Variants in TARBP2 observed in about 807,000 individuals in gnomAD.
TARBP2 encodes the protein TARBP2 subunit of RISC loading complex, also known as RISC-loading complex subunit TARBP2.
TARBP2 carries 23 observed loss-of-function variants against 40.4 expected under a neutral mutation model. The ratio of observed to expected loss-of-function variants is 0.57; its 90% CI spans 0.41 to 0.81. TARBP2 has a LOEUF of 0.81. Ranked by LOEUF, TARBP2 falls within the 30% of genes least tolerant of loss-of-function variation. The pLI, the probability that TARBP2 is intolerant of heterozygous loss-of-function variation, is 0.00. For missense variants in TARBP2, 358 were observed against 473.7 expected (o/e 0.76, Z 2.27); for synonymous variants, 183 against 190.5 (o/e 0.96, Z 0.32).
chr12:53,505,512 C>A lies in TARBP2; in HGVS notation c.742-137C>A, dbSNP rs142413361. On this transcript the variant is annotated intron_variant, in intron 7 of 8. Transcript: ENST00000266987. This position sits in a 1 kb window ranked among gnomAD's most constrained non-coding sequence, Gnocchi z 4.5. ...CCCAGGGCCTGGTAGTTAGAAGGGG[C>A]CACCCAGGGATTGACTGGGGGGAGG... 1,459 of 1,086,838 alleles carry A rather than the reference C, an allele frequency of 1.3e-3. 8 individuals are homozygous for A. In the African/African-American group the frequency reaches 0.02, roughly 15 times the overall value. 67.3% of individuals were successfully genotyped at this position (1,086,838 alleles called of 1,614,324 possible). A position where few individuals can be genotyped will look rare whatever the true frequency, so the allele number is the denominator to read the frequency against.
At chr12:53,501,611 A>G (rs1943712323) in intron 1 of TARBP2, 150 bp downstream of exon 1, 3 of 1,469,686 alleles carry the variant, frequency 2.0e-6, no homozygotes, top group Non-Finnish European at 2.7e-6. Context: ...GCACCGGGGC[A>G]GTGGCTGCTG....
At chr12:53,504,318 A>G in intron 4 of TARBP2, 79 bp from the exon 5 acceptor site, 1 of 1,296,596 alleles carries the variant, frequency 7.7e-7, no homozygotes, top group Non-Finnish European at 1.1e-6. Flanking sequence ...AATCTAAAGT[A>G]GTGGTTAGGT....
Position 53,504,403 on chromosome 12 carries a change from C to T in TARBP2, c.429C>T (p.Pro143=), listed in dbSNP as rs374358069. 11 of 1,561,214 alleles carry T rather than the reference C, an allele frequency of 7.0e-6. No homozygotes were observed. Among genetic ancestry groups the T allele is most frequent in the Non-Finnish European group, 9.5e-6 (11 of 1,159,306 alleles). The change falls in exon 5 of 9, where the codon CCC becomes CCT. Residue 143 remains proline, a synonymous_variant. Transcript: ENST00000266987. ...CCTGTGCCTTTTCCTTCAGGAGCCC[C>T]CCCATGGAACTGCAGCCCCCTGTCT... ...PVPSVVLTRS[P]PMELQPPVSP...
Position 53,504,558 on chromosome 12 carries a change from C to T in TARBP2, c.495+89C>T, listed in dbSNP as rs1400161784. The T allele has an allele frequency of 1.8e-5, 28 of 1,599,586 alleles. No individual in the cohort carries two copies. The African/African-American group carries it at 2.1e-4, about 12-fold the overall frequency. On this transcript the variant is annotated intron_variant, in intron 5 of 8. Coordinates refer to ENST00000266987, the MANE Select transcript of TARBP2 (RefSeq NM_134323.2). The stretch of plus-strand genomic sequence containing the variant: ...GGCTATGTGTGTTTGGGGGTGGGGG[C>T]GGTTCCTTGTACTGAGGCCCTTTCC...
chr12:53,501,192 G>A (rs900932767), upstream of TARBP2: 6 of 584,108 alleles, frequency 1.0e-5, no homozygotes, highest in African/African-American at 1.1e-4. Context: ...AGCCTGCCCG[G>A]GCGAGCCACG....
chr12:53,505,009 A>G lies in TARBP2; in HGVS notation c.614-126A>G. 1 of 1,496,582 alleles carries G rather than the reference A, an allele frequency of 6.7e-7. No homozygotes were observed. Among genetic ancestry groups the G allele is most frequent in the Non-Finnish European group, 9.0e-7 (1 of 1,107,140 alleles). The allele number at this position is 1,496,582 out of a possible 1,614,324, so 92.7% of individuals were successfully genotyped here. The stretch of plus-strand genomic sequence containing the variant: ...TCTGGCTGACCAGGTTCTCACGTGC[A>G]TGGGCAGGTCTTGAGTTCCCCTTTC... On this transcript the variant is annotated intron_variant, in intron 6 of 8. Coordinates refer to ENST00000266987, the MANE Select transcript of TARBP2 (RefSeq NM_134323.2). This position sits in a 1 kb window ranked among gnomAD's most constrained non-coding sequence, Gnocchi z 4.5.
chr12:53,502,021 G>A lies in TARBP2; in HGVS notation c.60G>A (p.Glu20=). Residue 20 remains glutamate (E), a synonymous_variant, in exon 2 of 9, where the codon GAG becomes GAA. Coordinates refer to ENST00000266987, the MANE Select transcript of TARBP2 (RefSeq NM_134323.2). ...TTTGCGLPSI[E]QMLAANPGKT... ...TCTGTGCCCCTTCCCCCAGTATAGA[G>A]CAAATGCTGGCCGCCAACCCAGGCA... The A allele has an allele frequency of 6.2e-7, 1 of 1,614,172 alleles. No homozygotes were observed.
chr12:53,504,872 C>T, intron 6 of TARBP2, 57 bp downstream of exon 6: 1 of 1,592,628 alleles, frequency 6.3e-7, no homozygotes, highest in Admixed American at 1.7e-5. Context: ...CTGGCCCCAG[C>T]CACAAAGCAG....
At chr12:53,501,490 G>C in intron 1 of TARBP2, 29 bp downstream of exon 1, 2 of 1,556,568 alleles carry the variant, frequency 1.3e-6, no homozygotes, top group South Asian at 2.4e-5. Flanking sequence ...ATTCCTTCAG[G>C]GCGAAAAGCG....
At chr12:53,501,029 C>G (rs1943676841), upstream of TARBP2, 2 of 250,484 alleles carry the variant, frequency 8.0e-6, no homozygotes, top group Non-Finnish European at 1.6e-5. Context: ...CCCTACCCAG[C>G]GGCTTCCCCT....
intron 4 of TARBP2, chr12:53,504,084 T>C: frequency 1.7e-6 from 1 of 576,490 alleles, no homozygotes; most frequent in East Asian, 2.9e-5. Flanking sequence ...ATGTCAGTTC[T>C]GTGTTTGAGG....
chr12:53,503,443 C>T (rs1943811821), intron 3 of TARBP2: 2 of 581,340 alleles, frequency 3.4e-6, no homozygotes, highest in Non-Finnish European at 5.9e-6. Context: ...GCAAGATGTC[C>T]TTCCTTCACG....
Position 53,504,813 on chromosome 12 carries a change from T to C in TARBP2, c.611T>C (p.Ile204Thr), listed in dbSNP as rs1264363271. The change falls in exon 6 of 9, where the codon ATT becomes ACT. Residue 204 changes from isoleucine to threonine, a missense_variant and splice_region_variant. Transcript: ENST00000266987. ...MTCRVERFIE[I>T]GSGTSKKLAK... ...TGTCGAGTGGAGCGTTTCATTGAGA[T>C]TGGTAACTGGGCAAGAAGGGGTTCT... The C allele has an allele frequency of 1.2e-6, 2 of 1,613,842 alleles. No individual in the cohort carries two copies. Among genetic ancestry groups the C allele is most frequent in the South Asian group, 1.1e-5 (1 of 91,072 alleles).
rs1174742300 is a variant in TARBP2 at position 53,504,046 on chromosome 12, AG to A, written c.422+240del. 4 of 589,432 alleles carry A rather than the reference AG, an allele frequency of 6.8e-6. No individual in the cohort carries two copies. In the African/African-American group the frequency reaches 7.5e-5, roughly 11 times the overall value. 36.5% of individuals were successfully genotyped at this position (589,432 alleles called of 1,614,324 possible). A position where few individuals can be genotyped will look rare whatever the true frequency, so the allele number is the denominator to read the frequency against. ...GTCCGACCATGTTTAAGGGTCTTGCAGGCCCCATTTTCTTCTGGGTTGACCA... is the reference window on the plus strand; with the variant it reads ...GTCCGACCATGTTTAAGGGTCTTGCAGCCCCATTTTCTTCTGGGTTGACCA... On this transcript the variant is annotated intron_variant, in intron 4 of 8. Coordinates refer to ENST00000266987, the MANE Select transcript of TARBP2 (RefSeq NM_134323.2).
upstream of TARBP2, chr12:53,501,150 G>A (rs143706116): frequency 2.8e-4 from 156 of 552,294 alleles, no homozygotes; most frequent in African/African-American, 2.8e-3. Context: ...AGAAGCGACG[G>A]CGGAGGGCCC....
chr12:53,503,780 A>G lies in TARBP2; in HGVS notation c.394A>G (p.Thr132Ala). ...IPVFTAAAAA[T>A]PVPSVVLTRS... ...GGTTTTTACTGCTGCAGCAGCTGCT[A>G]CCCCAGTTCCATCTGTAGTCCTAAC... The change falls in exon 4 of 9, where the codon ACC becomes GCC. Residue 132 changes from threonine (T) to alanine (A), a missense_variant. Transcript: ENST00000266987. 6.2e-7 allele frequency: 1 copy of G among 1,614,050 alleles called. No individual in the cohort carries two copies. Among genetic ancestry groups the G allele is most frequent in the Admixed American group, 1.7e-5 (1 of 60,020 alleles).
chr12:53,504,319 G>A, intron 4 of TARBP2, 78 bp from the exon 5 acceptor site: 1 of 1,321,606 alleles, frequency 7.6e-7, no homozygotes, highest in East Asian at 2.4e-5. Context: ...ATCTAAAGTA[G>A]TGGTTAGGTT....
chr12:53,501,855 G>A (rs2137256759), intron 1 of TARBP2, 160 bp from the exon 2 acceptor site: 2 of 1,343,970 alleles, frequency 1.5e-6, no homozygotes, highest in South Asian at 1.5e-5. Context: ...TACTTTTCCA[G>A]CCTGCACCTC....
At chr12:53,504,227 A>C in intron 4 of TARBP2, 170 bp from the exon 5 acceptor site, 7 of 622,072 alleles carry the variant, frequency 1.1e-5, no homozygotes, top group Non-Finnish European at 1.4e-5. Context: ...GGGGGAAGGA[A>C]GCCGGCTAGA....
Sources: gnomAD v4.1 joint callset for allele counts on GRCh38, gnomAD v4.1.1 for gene constraint, Gnocchi (gnomAD v3.1) non-coding constraint, MANE v1.5 for transcripts, NCBI Gene and HGNC (gene_info 2026-07-23, HGNC 2026-07-21) for gene names.